UGGT2: variants seen among roughly 807,000 people sequenced by gnomAD.
UGGT2 encodes the protein UDP-glucose glycoprotein glucosyltransferase 2, also known as UDP-glucose:glycoprotein glucosyltransferase 2.
A neutral mutation model predicts 192.1 loss-of-function variants in UGGT2; 180 were observed. The observed-to-expected ratio is 0.94, with a 90% confidence interval of 0.83 to 1.06. The LOEUF (loss-of-function observed/expected upper bound fraction) is 1.06, where lower values mean the gene tolerates loss of function less well. UGGT2 is among the 50% of genes least tolerant of loss of function. The pLI, the probability that UGGT2 is intolerant of heterozygous loss-of-function variation, is 0.00. For synonymous variants in UGGT2, 580 were observed against 591.0 expected (o/e 0.98, Z 0.27); for missense variants, 1,849 against 1,795.7 (o/e 1.03, Z -0.54).
intron 12 of UGGT2, among the ~76,000 whole-genome samples, chr13:95,964,115 C>T (rs181295811): frequency 1.3e-5 from 2 of 152,126 alleles, no homozygotes; most frequent in Admixed American, 6.5e-5. Context: ...GATATAAAGA[C>T]AGACACACAG....
chr13:95,822,896 CTT>C (rs1052839481), intron 38 of UGGT2, among the ~76,000 whole-genome samples: 1 of 152,074 alleles, frequency 6.6e-6, no homozygotes, highest in African/African-American at 2.4e-5. Context: ...TATTTGTGCT[CTT>C]TCAGACTTTC....
chr13:95,861,904 T>A (rs1370374466), intron 31 of UGGT2, among the ~76,000 whole-genome samples: 1 of 152,160 alleles, frequency 6.6e-6, no homozygotes, highest in Non-Finnish European at 1.5e-5. Flanking sequence ...GCAGTTAACG[T>A]CCCAAAAACT....
At chr13:95,932,517 T>C (rs1272775658) in intron 17 of UGGT2, among the ~76,000 whole-genome samples, 1 of 152,182 alleles carries the variant, frequency 6.6e-6, no homozygotes, top group Non-Finnish European at 1.5e-5. Context: ...TAGGGTTTTC[T>C]AGGTGTAGAA....
chr13:95,943,908 A>G (rs2049776965), intron 15 of UGGT2, among the ~76,000 whole-genome samples: 1 of 152,030 alleles, frequency 6.6e-6, no homozygotes, highest in Admixed American at 6.5e-5. Flanking sequence ...GCTGTCATCA[A>G]TTAACAAAAT....
At chr13:95,991,339 C>T (rs1427817111) in intron 7 of UGGT2, 1 of 363,944 alleles carries the variant, frequency 2.7e-6, no homozygotes, top group Admixed American at 3.2e-5. Context: ...ACACACACAC[C>T]AACAGTGTAA....
At chr13:95,804,393 C>T (rs2139723444) in intron 38 of UGGT2, among the ~76,000 whole-genome samples, 2 of 152,240 alleles carry the variant, frequency 1.3e-5, no homozygotes, top group South Asian at 4.1e-4. Flanking sequence ...AAGCAATCTA[C>T]AGATTCAGAT....
intron 29 of UGGT2, 142 bp downstream of exon 29, chr13:95,877,137 C>T: frequency 1.6e-6 from 1 of 623,912 alleles, no homozygotes; most frequent in Non-Finnish European, 2.6e-6. Flanking sequence ...CTGCCTCGGC[C>T]TACCAAAGTG....
chr13:95,903,132 C>T, intron 20 of UGGT2, 72 bp from the exon 21 acceptor site: 5 of 1,448,266 alleles, frequency 3.5e-6, no homozygotes, highest in South Asian at 2.7e-5. Flanking sequence ...TATTTTCTTT[C>T]CCATCCAGTT....
intron 20 of UGGT2, among the ~76,000 whole-genome samples, chr13:95,921,710 A>C (rs2048850998): frequency 6.6e-6 from 1 of 152,148 alleles, no homozygotes; most frequent in African/African-American, 2.4e-5. Context: ...GAGAGATGCA[A>C]ATCAAAACCA....
intron 12 of UGGT2, among the ~76,000 whole-genome samples, chr13:95,961,152 C>T (rs978381225): frequency 6.6e-6 from 1 of 151,724 alleles, no homozygotes; most frequent in African/African-American, 2.4e-5. Flanking sequence ...ATACAGAAAA[C>T]CAACAAGACA....
In UGGT2 at chr13:95,847,118, T is replaced by C. The variant is rs369983444; in HGVS notation, c.4284+6425A>G. On this transcript the variant is annotated intron_variant, in intron 36 of 38. Coordinates refer to ENST00000376747, the MANE Select transcript of UGGT2 (RefSeq NM_020121.4). ...TAACCTTAATTATTCCTTTTTTCTA[T>C]TTAATTTTTTCTAAATTAAAAATTT... Among the ~76,000 whole-genome samples, 3 of 133,368 alleles carry C rather than the reference T, an allele frequency of 2.2e-5. No homozygotes were observed. In the Admixed American group the frequency reaches 2.4e-4, roughly 11 times the overall value. 87.5% of individuals were successfully genotyped at this position (133,368 alleles called of 152,430 possible).
chr13:96,032,971 G>A (rs986741438), intron 1 of UGGT2, among the ~76,000 whole-genome samples: 5 of 152,196 alleles, frequency 3.3e-5, no homozygotes, highest in Non-Finnish European at 5.9e-5. Context: ...CTACAGACAT[G>A]CTCATATACT....
intron 5 of UGGT2, among the ~76,000 whole-genome samples, chr13:95,999,604 GTTAA>G (rs1342914112): frequency 6.6e-6 from 1 of 152,070 alleles, no homozygotes; most frequent in Non-Finnish European, 1.5e-5. Context: ...TCTTCAATGA[GTTAA>G]TTAAACAGAG....
In UGGT2 at chr13:95,867,698, C is replaced by G. The variant is rs574861362; in HGVS notation, c.3474-275G>C. 4.6e-5 allele frequency among the ~76,000 whole-genome samples: 7 copies of G among 152,206 alleles called. No homozygotes were observed. The East Asian group carries it at 1.4e-3, about 29-fold the overall frequency. On this transcript the variant is annotated intron_variant, in intron 29 of 38. Transcript: ENST00000376747. The stretch of plus-strand genomic sequence containing the variant: ...ATCACTCTGAAAGTTCAAATTATGG[C>G]TTATCTTTGCTGTTATATACCAAGG...
In UGGT2 at chr13:95,856,332, A is replaced by C; in HGVS notation, c.3834T>G (p.Ile1278Met). Residue 1278 changes from isoleucine (I) to methionine (M), a missense_variant, in exon 34 of 39, where the codon ATT (isoleucine) becomes ATG (methionine). Physicochemically the swap from Ile to Met is conservative, Grantham distance 10 (BLOSUM62 1). Coordinates refer to ENST00000376747, the MANE Select transcript of UGGT2 (RefSeq NM_020121.4). The part of the protein sequence containing the change: ...NYLSPTFKEV[I>M]PHMAKEYGFR... ...ATCCATACTCTTTAGCCATGTGAGG[A>C]ATTACTTCCTAAAAACACACACACA... 3 of 1,600,758 alleles carry C rather than the reference A, an allele frequency of 1.9e-6. No individual in the cohort carries two copies. The highest frequency in any genetic ancestry group is 2.5e-6 in the Non-Finnish European group (3 of 1,177,060).
At chr13:95,979,162 C>T (rs2051034967) in intron 10 of UGGT2, among the ~76,000 whole-genome samples, 1 of 152,040 alleles carries the variant, frequency 6.6e-6, no homozygotes, top group Non-Finnish European at 1.5e-5. Context: ...ACAACAAAGA[C>T]GTATGTTGGG....
intron 38 of UGGT2, among the ~76,000 whole-genome samples, chr13:95,815,949 A>C (rs1884844006): frequency 6.6e-6 from 1 of 152,070 alleles, no homozygotes. Flanking sequence ...AGTTAGTGTG[A>C]GATCTGGTTG....
intron 5 of UGGT2, among the ~76,000 whole-genome samples, chr13:96,008,996 A>G (rs1358541802): frequency 5.3e-5 from 8 of 152,214 alleles, no homozygotes; most frequent in Non-Finnish European, 1.2e-4. Flanking sequence ...AAACAGACAT[A>G]CAGAGCAACA....
intron 10 of UGGT2, among the ~76,000 whole-genome samples, chr13:95,973,765 T>G (rs961786596): frequency 1.3e-5 from 2 of 152,230 alleles, no homozygotes; most frequent in African/African-American, 4.8e-5. Flanking sequence ...ATCTTTCTAC[T>G]TATTAGCTGT....
Sources: gnomAD v4.1 joint callset for allele counts (sites outside exome capture counted in the v4.1 genomes callset) on GRCh38, gnomAD v4.1.1 for gene constraint, MANE v1.5 for transcripts, NCBI Gene and HGNC (gene_info 2026-07-23, HGNC 2026-07-21) for gene names.